Variants in YAF2 observed in about 807,000 individuals in gnomAD.
YAF2 encodes the protein YY1 associated factor 2.
In YAF2, 7 loss-of-function variants were observed where a neutral mutation model predicts 20.1. The observed-to-expected ratio is 0.35, with a 90% CI of 0.20 to 0.65. The LOEUF (loss-of-function observed/expected upper bound fraction) is 0.65. YAF2 is among the 30% of genes least tolerant of loss of function. The pLI is 0.69. For missense variants in YAF2, 151 were observed against 219.2 expected, an observed-to-expected ratio of 0.69 and a Z score of 1.96; for synonymous variants, 74 against 76.0, an observed-to-expected ratio of 0.97 and a Z score of 0.14.
At chr12:42,188,542 T>C (rs534411140) in intron 2 of YAF2, among the ~76,000 whole-genome samples, 55 of 151,960 alleles carry the variant, frequency 3.6e-4, no homozygotes, top group Non-Finnish European at 2.5e-4. Context: ...TGCACTACCA[T>C]GCCCACTAAT....
intron 2 of YAF2, among the ~76,000 whole-genome samples, chr12:42,180,286 T>C (rs1219731033): frequency 6.6e-6 from 1 of 152,212 alleles, no homozygotes. Flanking sequence ...CTCTCTCCCC[T>C]TGTTGTGATC....
chr12:42,215,866 G>A (rs1003564538), intron 2 of YAF2, among the ~76,000 whole-genome samples: 1 of 152,146 alleles, frequency 6.6e-6, no homozygotes, highest in Admixed American at 6.6e-5. Flanking sequence ...AGGTTGCAGT[G>A]AGCCCAGATT....
intron 2 of YAF2, among the ~76,000 whole-genome samples, chr12:42,176,018 G>A (rs141209311): frequency 4.5e-4 from 68 of 152,078 alleles, no homozygotes; most frequent in African/African-American, 5.8e-4. Flanking sequence ...AGGCCAAGGC[G>A]GGTGGATCAC....
Position 42,192,083 on chromosome 12 carries a change from A to G in YAF2, c.153-30318T>C, listed in dbSNP as rs184969410. Among the ~76,000 whole-genome samples the G allele has an allele frequency of 6.6e-5, 10 of 152,048 alleles. No homozygotes were observed. The East Asian group carries it at 1.9e-3, about 29-fold the overall frequency. On this transcript the variant is annotated intron_variant, in intron 2 of 3. Transcript: ENST00000534854. ...ACATACAATTAGATTTAAATAATAC[A>G]AAAAGTGTTATAGAAACTGAAAGAA... is the stretch of plus-strand genomic sequence containing the variant.
intron 2 of YAF2, among the ~76,000 whole-genome samples, chr12:42,183,703 T>C (rs1230497061): frequency 2.0e-5 from 3 of 152,224 alleles, no homozygotes; most frequent in East Asian, 3.8e-4. Flanking sequence ...AGTGCTTATA[T>C]AAAAACTGCA....
At position 42,232,957 on chromosome 12, in the gene YAF2, T is replaced by C. The variant is rs1039787525; in HGVS notation, c.152+4642A>G. ...ATCTACTAACACTAAACCTCACATA[T>C]AGAGCTTGGTACAGTTAAAGCGGTT... On this transcript the variant is annotated intron_variant, in intron 2 of 3. Transcript: ENST00000534854. The C allele has an allele frequency of 2.2e-5, 22 of 985,330 alleles. No homozygotes were observed. The African/African-American group carries it at 2.3e-4, about 10-fold the overall frequency. 61.0% of individuals were successfully genotyped at this position (985,330 alleles called of 1,614,324 possible). A position where few individuals can be genotyped will look rare whatever the true frequency, so the allele number is the denominator to read the frequency against.
intron 2 of YAF2, among the ~76,000 whole-genome samples, chr12:42,165,061 CAAAAAAA>C (rs78729667): frequency 8.5e-4 from 55 of 64,792 alleles, no homozygotes; most frequent in South Asian, 4.7e-3. Flanking sequence ...TCTTCTGGAA[CAAAAAAA>C]AAAAAAAAAA....
At chr12:42,179,073 T>C (rs1277738437) in intron 2 of YAF2, among the ~76,000 whole-genome samples, 1 of 151,984 alleles carries the variant, frequency 6.6e-6, no homozygotes, top group Non-Finnish European at 1.5e-5. Flanking sequence ...AAAGAAAAAA[T>C]ACACTTGTCT....
intron 2 of YAF2, among the ~76,000 whole-genome samples, chr12:42,211,980 C>T (rs1027742382): frequency 6.6e-6 from 1 of 151,046 alleles, no homozygotes; most frequent in African/African-American, 2.4e-5. Context: ...ACCCAGAAGG[C>T]GGAGGTTGCA....
chr12:42,189,530 T>C (rs905803412), intron 2 of YAF2, among the ~76,000 whole-genome samples: 2 of 152,164 alleles, frequency 1.3e-5, no homozygotes, highest in Admixed American at 1.3e-4. Context: ...CCTGAGAGCA[T>C]GATGATGCAC....
Position 42,161,859 on chromosome 12 carries a change from TAAC to T in YAF2, c.153-97_153-95del, listed in dbSNP as rs1318838968. The stretch of plus-strand genomic sequence containing the variant: ...ATCTCACATTATGAAAACAAGTTAA[TAAC>T]AATAACTTTCAAGTATAAAAATTCC... On this transcript the variant is annotated intron_variant, in intron 2 of 3. Coordinates refer to ENST00000534854, the MANE Select transcript of YAF2 (RefSeq NM_005748.6). The T allele has an allele frequency of 2.5e-5, 29 of 1,140,442 alleles. 1 individual carries two copies. The highest frequency in any genetic ancestry group is 2.3e-4 in the African/African-American group (14 of 61,860). 70.6% of individuals were successfully genotyped at this position (1,140,442 alleles called of 1,614,324 possible). A position where few individuals can be genotyped will look rare whatever the true frequency, so the allele number is the denominator to read the frequency against.
intron 2 of YAF2, among the ~76,000 whole-genome samples, chr12:42,178,799 G>T (rs1226182909): frequency 6.6e-6 from 1 of 152,062 alleles, no homozygotes; most frequent in East Asian, 1.9e-4. Flanking sequence ...CAGAGACAGG[G>T]TGCATAATTC....
intron 2 of YAF2, among the ~76,000 whole-genome samples, chr12:42,187,025 A>C (rs1252082082): frequency 6.6e-6 from 1 of 152,226 alleles, no homozygotes; most frequent in African/African-American, 2.4e-5. Flanking sequence ...TATATAGTTC[A>C]AGCTCATGAG....
intron 2 of YAF2, among the ~76,000 whole-genome samples, chr12:42,228,664 G>GC (rs2067865253): frequency 8.9e-6 from 1 of 112,236 alleles, no homozygotes; most frequent in African/African-American, 4.0e-5. Flanking sequence ...GGTGGGGGGG[G>GC]GGTCAGCCCC....
intron 2 of YAF2, among the ~76,000 whole-genome samples, chr12:42,193,230 A>G (rs1415572285): frequency 6.6e-6 from 1 of 151,290 alleles, no homozygotes; most frequent in Admixed American, 6.6e-5. Context: ...CAGGCGAATC[A>G]CTTGAACTGG....
At chr12:42,207,700 G>A (rs934840400) in intron 2 of YAF2, among the ~76,000 whole-genome samples, 14 of 151,798 alleles carry the variant, frequency 9.2e-5, no homozygotes, top group African/African-American at 3.4e-4. Flanking sequence ...AGACCATCCT[G>A]GCTAACACGG....
intron 2 of YAF2, among the ~76,000 whole-genome samples, chr12:42,201,431 T>G (rs1282336641): frequency 6.6e-6 from 1 of 152,232 alleles, no homozygotes; most frequent in East Asian, 1.9e-4. Context: ...TGCTGCTAAT[T>G]GCCTTTATAT....
chr12:42,165,723 A>G (rs147860507), intron 2 of YAF2, among the ~76,000 whole-genome samples: 1,521 of 148,044 alleles, frequency 0.01, 23 homozygotes, highest in African/African-American at 0.036. Context: ...TGCCCGCCTC[A>G]GCCTCCCAAA....
intron 2 of YAF2, among the ~76,000 whole-genome samples, chr12:42,205,260 C>A (rs1347138245): frequency 1.3e-5 from 2 of 151,850 alleles, no homozygotes; most frequent in Non-Finnish European, 2.9e-5. Context: ...TGTACTTATA[C>A]CTCTTTTTTA....
Sources: allele counts gnomAD v4.1 joint callset (sites outside exome capture counted in the v4.1 genomes callset), GRCh38; gene constraint gnomAD v4.1.1; transcripts MANE v1.5; gene names NCBI Gene and HGNC (gene_info 2026-07-23, HGNC 2026-07-21).